The following PAPPA2 variants were observed in gnomAD, a reference collection of about 807,000 sequenced individuals.
PAPPA2 encodes pappalysin 2, also known as pappalysin-2.
In PAPPA2, 86 loss-of-function variants were observed where a neutral mutation model predicts 176.4. That is an observed-to-expected ratio of 0.49 (90% confidence interval 0.41 to 0.58). PAPPA2 has a LOEUF of 0.58. Among genes scored for constraint, PAPPA2 ranks in the 20% least tolerant of loss-of-function variants. The pLI is 0.00. For missense variants in PAPPA2, 2,073 were observed against 2,256.9 expected (o/e 0.92, Z 1.65); for synonymous variants, 809 against 852.2 (o/e 0.95, Z 0.88).
In PAPPA2 at chr1:176,543,750, G is replaced by A. The variant is rs778631080; in HGVS notation, c.-916-11657G>A. On this transcript the variant is annotated intron_variant, in intron 1 of 22. Coordinates refer to ENST00000367662, the MANE Select transcript of PAPPA2 (RefSeq NM_020318.3). Reference sequence around the variant, plus strand: ...TCCCATGGTGTAGAGTTGTAAGGACGCTGTTGCCAGCAAGGGGTTGTATTT... The same window carrying A: ...TCCCATGGTGTAGAGTTGTAAGGACACTGTTGCCAGCAAGGGGTTGTATTT... Among the ~76,000 whole-genome samples, 8 of 152,298 alleles carry A rather than the reference G, an allele frequency of 5.3e-5. No individual in the cohort carries two copies. In the South Asian group the frequency reaches 1.2e-3, roughly 24 times the overall value.
intron 3 of PAPPA2, chr1:176,616,851 A>T: frequency 1.8e-6 from 1 of 541,610 alleles, no homozygotes; most frequent in South Asian, 1.9e-5. Flanking sequence ...GAATACAGAA[A>T]TGATTCAAAG....
chr1:176,524,763 C>G (rs1649394390), intron 1 of PAPPA2, among the ~76,000 whole-genome samples: 1 of 152,186 alleles, frequency 6.6e-6, no homozygotes. Context: ...GTGGCTTACG[C>G]CTGTAATCCC....
intron 1 of PAPPA2, among the ~76,000 whole-genome samples, chr1:176,475,357 T>G (rs1012222141): frequency 3.3e-5 from 5 of 152,210 alleles, no homozygotes; most frequent in Non-Finnish European, 2.9e-5. Flanking sequence ...GTGAGGAGTT[T>G]TTAATGGAGT....
At chr1:176,673,687 A>G (rs985422285) in intron 4 of PAPPA2, among the ~76,000 whole-genome samples, 10 of 152,200 alleles carry the variant, frequency 6.6e-5, no homozygotes, top group African/African-American at 2.4e-4. Context: ...GACTCATTCA[A>G]CTATAAAAAT....
chr1:176,571,110 A>G (rs1046665377), intron 2 of PAPPA2, among the ~76,000 whole-genome samples: 1 of 152,100 alleles, frequency 6.6e-6, no homozygotes, highest in African/African-American at 2.4e-5. Context: ...GAATGGACGC[A>G]TGGAGGACAA....
At chr1:176,466,218 G>A (rs1051724512) in intron 1 of PAPPA2, among the ~76,000 whole-genome samples, 15 of 152,126 alleles carry the variant, frequency 9.9e-5, no homozygotes, top group African/African-American at 3.6e-4. Flanking sequence ...CAAAGAAAAT[G>A]AAATTCCTGT....
At chr1:176,672,353 T>A (rs12069863) in intron 4 of PAPPA2, among the ~76,000 whole-genome samples, 26,527 of 152,064 alleles carry the variant, frequency 0.17, 2,469 homozygotes, top group Middle Eastern at 0.23. Context: ...AAATGATTTT[T>A]AAAAGGTACT....
intron 12 of PAPPA2, among the ~76,000 whole-genome samples, chr1:176,735,677 AATCTATCTATCT>A (rs55758426): frequency 0.23 from 32,671 of 144,182 alleles, 3,740 homozygotes; most frequent in African/African-American, 0.27. Context: ...CATCTCTCAG[AATCTATCTATCT>A]ATCTATCTAT....
At chr1:176,774,157 CT>C (rs1348782044) in intron 17 of PAPPA2, among the ~76,000 whole-genome samples, 1 of 152,100 alleles carries the variant, frequency 6.6e-6, no homozygotes, top group African/African-American at 2.4e-5. Context: ...CCTTTTCTAG[CT>C]TTTTTTCCTT....
intron 3 of PAPPA2, among the ~76,000 whole-genome samples, chr1:176,668,149 C>T (rs563557940): frequency 6.6e-6 from 1 of 152,144 alleles, no homozygotes; most frequent in Non-Finnish European, 1.5e-5. Flanking sequence ...AGCAATGGGG[C>T]AGAACAGCTT....
chr1:176,646,996 G>A (rs972921474), intron 3 of PAPPA2, among the ~76,000 whole-genome samples: 1 of 151,360 alleles, frequency 6.6e-6, no homozygotes, highest in Non-Finnish European at 1.5e-5. Context: ...AACTGTTCTT[G>A]ATAGTGATTG....
intron 1 of PAPPA2, among the ~76,000 whole-genome samples, chr1:176,478,579 C>A (rs1327332576): frequency 6.6e-6 from 1 of 152,222 alleles, no homozygotes; most frequent in East Asian, 1.9e-4. Context: ...CATCAGATCC[C>A]AGATGTATGT....
chr1:176,645,868 G>T (rs1657371361), intron 3 of PAPPA2, among the ~76,000 whole-genome samples: 2 of 151,606 alleles, frequency 1.3e-5, no homozygotes, highest in South Asian at 2.1e-4. Context: ...TCACATGCCT[G>T]TTGGCCATTT....
intron 3 of PAPPA2, among the ~76,000 whole-genome samples, chr1:176,634,883 CACAT>C (rs902862959): frequency 5.1e-5 from 7 of 137,046 alleles, no homozygotes; most frequent in Non-Finnish European, 9.5e-5. Flanking sequence ...GATACATAGA[CACAT>C]AGATAGATAG....
chr1:176,483,517 C>T (rs973938961), intron 1 of PAPPA2, among the ~76,000 whole-genome samples: 1 of 119,280 alleles, frequency 8.4e-6, no homozygotes, highest in Non-Finnish European at 1.6e-5. Flanking sequence ...GTCTCCCAGG[C>T]TGGAGTGCAG....
At position 176,765,734 on chromosome 1, in the gene PAPPA2, T is replaced by A. The variant is rs778841396; in HGVS notation, c.4220T>A (p.Val1407Glu). 9 of 1,614,098 alleles carry A rather than the reference T, an allele frequency of 5.6e-6. No individual in the cohort carries two copies. The highest frequency in any genetic ancestry group is 1.7e-5 in the Admixed American group (1 of 60,018). Residue 1407 changes from valine to glutamate, a missense_variant, in exon 15 of 23, where the codon GTG (valine) becomes GAG (glutamate). Transcript: ENST00000367662. The part of the protein sequence containing the change: ...PSLLLDHADV[V>E]NCTSIGPGLM... ...TTGCTGCTTGATCATGCTGATGTGG[T>A]GAACTGTACCTCTATAGGCCCAGGT... is the stretch of plus-strand genomic sequence containing the variant.
chr1:176,651,778 T>A (rs978673042), intron 3 of PAPPA2, among the ~76,000 whole-genome samples: 1 of 151,610 alleles, frequency 6.6e-6, no homozygotes, highest in Non-Finnish European at 1.5e-5. Context: ...TTCTTAGATT[T>A]GGTCTTTTGA....
intron 2 of PAPPA2, among the ~76,000 whole-genome samples, chr1:176,579,303 C>T (rs1338720076): frequency 2.0e-5 from 3 of 152,120 alleles, no homozygotes; most frequent in Admixed American, 1.3e-4. Context: ...GGATTGAAGC[C>T]GCTTGTTTGG....
At chr1:176,711,614 T>C (rs1661147673) in intron 11 of PAPPA2, among the ~76,000 whole-genome samples, 1 of 152,196 alleles carries the variant, frequency 6.6e-6, no homozygotes, top group South Asian at 2.1e-4. Context: ...GGGCCGATGA[T>C]AAACGAGAGT....
Sources: allele counts gnomAD v4.1 joint callset (sites outside exome capture counted in the v4.1 genomes callset), GRCh38; gene constraint gnomAD v4.1.1; transcripts MANE v1.5; gene names NCBI Gene and HGNC (gene_info 2026-07-23, HGNC 2026-07-21).